Variants in GM2A observed in about 807,000 individuals in gnomAD.
GM2A encodes GM2 ganglioside activator.
GM2A carries 7 observed loss-of-function variants against 12.9 expected under a neutral mutation model. That is an observed-to-expected ratio of 0.54 (90% confidence interval 0.31 to 1.02). The LOEUF is 1.02. Among genes scored for constraint, GM2A ranks in the 50% least tolerant of loss-of-function variants. The pLI is 0.05. For missense variants in GM2A, 246 were observed against 241.0 expected, an observed-to-expected ratio of 1.02 and a Z score of -0.14; for synonymous variants, 101 against 96.0, an observed-to-expected ratio of 1.05 and a Z score of -0.30.
Position 151,253,313 on chromosome 5 carries a change from T to A in GM2A, c.81+16T>A. 6.3e-7 allele frequency: 1 copy of A among 1,594,306 alleles called. No individual in the cohort carries two copies. Among genetic ancestry groups the A allele is most frequent in the South Asian group, 1.1e-5 (1 of 90,664 alleles). ...CCTGAAAAAGGTGAGTGCACCCTCT[T>A]TTAAGAGTCTGTTTGCAGCCTCCTG... On this transcript the variant is annotated intron_variant, in intron 1 of 3. Coordinates refer to ENST00000357164, the MANE Select transcript of GM2A (RefSeq NM_000405.5).
chr5:151,260,838 C>T (rs893933751), intron 2 of GM2A, among the ~76,000 whole-genome samples: 5 of 152,114 alleles, frequency 3.3e-5, no homozygotes, highest in African/African-American at 9.7e-5. Context: ...AGTGTTTGCT[C>T]TTTATATATC....
intron 2 of GM2A, among the ~76,000 whole-genome samples, chr5:151,262,836 G>A (rs913819798): frequency 2.0e-5 from 3 of 152,232 alleles, no homozygotes; most frequent in South Asian, 2.1e-4. Flanking sequence ...TGCAGCCACT[G>A]GTGTTTCCAG....
intron 2 of GM2A, among the ~76,000 whole-genome samples, chr5:151,263,706 G>A (rs1027222905): frequency 4.6e-5 from 7 of 152,180 alleles, no homozygotes; most frequent in Non-Finnish European, 8.8e-5. Context: ...CAGCAGACCT[G>A]CTTATGAGAG....
chr5:151,257,031 AC>A (rs1478498487), intron 1 of GM2A, among the ~76,000 whole-genome samples: 1 of 152,012 alleles, frequency 6.6e-6, no homozygotes, highest in East Asian at 1.9e-4. Context: ...GAAATTTTGA[AC>A]CCCTAGGGGG....
intron 2 of GM2A, among the ~76,000 whole-genome samples, chr5:151,265,705 C>G (rs967387426): frequency 2.6e-5 from 4 of 152,186 alleles, no homozygotes; most frequent in Middle Eastern, 3.2e-3. Flanking sequence ...GCCACTTCCT[C>G]CTGGTCAGCT....
intron 2 of GM2A, among the ~76,000 whole-genome samples, chr5:151,266,324 C>A (rs1039658364): frequency 1.3e-5 from 2 of 151,662 alleles, no homozygotes; most frequent in Non-Finnish European, 2.9e-5. Context: ...ACAAAAAATA[C>A]AAAATTAGCT....
chr5:151,264,897 G>C (rs556694303), intron 2 of GM2A, among the ~76,000 whole-genome samples: 47 of 151,812 alleles, frequency 3.1e-4, no homozygotes, highest in Non-Finnish European at 5.9e-4. Context: ...CAGGAGAATC[G>C]CTTGAACGCA....
chr5:151,258,867 G>A (rs1024393342), intron 1 of GM2A, among the ~76,000 whole-genome samples: 4 of 151,750 alleles, frequency 2.6e-5, no homozygotes, highest in Admixed American at 2.6e-4. Flanking sequence ...CATGCCAACA[G>A]TCTCTCATAG....
intron 1 of GM2A, among the ~76,000 whole-genome samples, chr5:151,257,488 G>C (rs985318414): frequency 6.6e-6 from 1 of 152,034 alleles, no homozygotes; most frequent in African/African-American, 2.4e-5. Context: ...GCCCCACCCA[G>C]AAAACTAGTC....
intron 2 of GM2A, among the ~76,000 whole-genome samples, chr5:151,264,168 C>T (rs1366022080): frequency 2.0e-5 from 3 of 152,196 alleles, no homozygotes; most frequent in African/African-American, 7.2e-5. Flanking sequence ...CTTGGCTCCC[C>T]CAGCACCCAA....
chr5:151,268,508 A>C lies in GM2A; in HGVS notation c.*1057A>C. 1 of 985,446 alleles carries C rather than the reference A, an allele frequency of 1.0e-6. No homozygotes were observed. Among genetic ancestry groups the C allele is most frequent in the African/African-American group, 1.7e-5 (1 of 57,366 alleles). 61.0% of individuals were successfully genotyped at this position (985,446 alleles called of 1,614,324 possible). On this transcript the variant is annotated 3_prime_UTR_variant, in exon 4 of 4. Transcript: ENST00000357164. ...CAATGTAAATATTTCTTACACAGAA[A>C]GTCACAGCACATGTGCCCATTGATA...
chr5:151,259,677 AT>A, intron 1 of GM2A, 77 bp from the exon 2 acceptor site: 1 of 1,429,270 alleles, frequency 7.0e-7, no homozygotes, highest in Middle Eastern at 2.3e-4. Flanking sequence ...CCAGGAGCTC[AT>A]TTTTCCTGTG....
chr5:151,256,739 T>G (rs146985541), intron 1 of GM2A, among the ~76,000 whole-genome samples: 1 of 152,322 alleles, frequency 6.6e-6, no homozygotes, highest in African/African-American at 2.4e-5. Context: ...TACATTACTG[T>G]TAACTGAATT....
At chr5:151,256,054 G>A (rs1004380378) in intron 1 of GM2A, among the ~76,000 whole-genome samples, 1 of 152,128 alleles carries the variant, frequency 6.6e-6, no homozygotes, top group Non-Finnish European at 1.5e-5. Context: ...GGGGTGGGGG[G>A]TGACAGTGAA....
intron 2 of GM2A, among the ~76,000 whole-genome samples, chr5:151,262,609 A>AGAG: frequency 6.6e-6 from 1 of 152,226 alleles, no homozygotes; most frequent in Admixed American, 6.5e-5. Flanking sequence ...TTTTCCTAGC[A>AGAG]GAGTCATTGT....
intron 2 of GM2A, among the ~76,000 whole-genome samples, chr5:151,263,788 C>CT (rs1430582484): frequency 6.6e-6 from 1 of 152,170 alleles, no homozygotes. Context: ...CCTTGTTACA[C>CT]TGAGGCCCAG....
In GM2A at chr5:151,269,208, C is replaced by T. The variant is rs1753959837; in HGVS notation, c.*1757C>T. 4 of 985,332 alleles carry T rather than the reference C, an allele frequency of 4.1e-6. No individual in the cohort carries two copies. Among genetic ancestry groups the T allele is most frequent in the Non-Finnish European group, 4.8e-6 (4 of 829,938 alleles). 61.0% of individuals were successfully genotyped at this position (985,332 alleles called of 1,614,324 possible). A position where few individuals can be genotyped will look rare whatever the true frequency, so the allele number is the denominator to read the frequency against. On this transcript the variant is annotated 3_prime_UTR_variant, in exon 4 of 4. Coordinates refer to ENST00000357164, the MANE Select transcript of GM2A (RefSeq NM_000405.5). ...CCCTGAGTTCTGGGCTCATTTGAAG[C>T]CTGGAATAGCAATAAATCTTTTTAA...
In GM2A at chr5:151,253,231, G is replaced by A. The variant is rs764022141; in HGVS notation, c.15G>A (p.Met5Ile). MQSL[M>I]QAPLLIALGL... is the part of the protein sequence containing the mutation. ...CACCCTTCCCGATGCAGTCCCTGAT[G>A]CAGGCTCCCCTCCTGATCGCCCTGG... is the stretch of plus-strand genomic sequence containing the variant. The change falls in exon 1 of 4, where the codon ATG becomes ATA. Residue 5 changes from methionine (M) to isoleucine (I), a missense_variant. Met to Ile is a conservative substitution (Grantham distance 10). Coordinates refer to ENST00000357164, the MANE Select transcript of GM2A (RefSeq NM_000405.5). 41 of 1,613,816 alleles carry A rather than the reference G, an allele frequency of 2.5e-5. No homozygotes were observed. The highest frequency in any genetic ancestry group is 3.3e-5 in the Non-Finnish European group (39 of 1,179,860).
Position 151,269,052 on chromosome 5 carries a change from A to G in GM2A, c.*1601A>G. On this transcript the variant is annotated 3_prime_UTR_variant, in exon 4 of 4. Transcript: ENST00000357164. ...GAGTCCTGTTGGGTGAATGAGGCAG[A>G]TGGGAAAGAGCCTCACCAGCAGCTG... The G allele has an allele frequency of 1.0e-6, 1 of 985,442 alleles. No individual in the cohort carries two copies. The highest frequency in any genetic ancestry group is 1.7e-5 in the African/African-American group (1 of 57,358). The allele number at this position is 985,442 out of a possible 1,614,324, so 61.0% of individuals were successfully genotyped here.
Sources: gnomAD v4.1 joint callset for allele counts (sites outside exome capture counted in the v4.1 genomes callset) on GRCh38, gnomAD v4.1.1 for gene constraint, MANE v1.5 for transcripts, NCBI Gene and HGNC (gene_info 2026-07-23, HGNC 2026-07-21) for gene names.